The following GPHN variants were observed in gnomAD, a reference collection of about 807,000 sequenced individuals.
The protein encoded by GPHN is gephyrin.
In GPHN, 17 loss-of-function variants were observed where a neutral mutation model predicts 95.5. The ratio of observed to expected loss-of-function variants is 0.18; its 90% CI spans 0.12 to 0.27. The LOEUF (loss-of-function observed/expected upper bound fraction) is 0.27, where lower values mean the gene tolerates loss of function less well. GPHN is among the 10% of genes least tolerant of loss of function. The pLI, the probability that GPHN is intolerant of heterozygous loss-of-function variation, is 1.00. For synonymous variants in GPHN, 320 were observed against 322.5 expected (o/e 0.99, Z 0.08); for missense variants, 660 against 978.1 (o/e 0.67, Z 4.34).
chr14:67,481,631 C>T, the GPHN span, among the ~76,000 whole-genome samples: 2 of 152,184 alleles, frequency 1.3e-5, no homozygotes, highest in African/African-American at 4.8e-5. Flanking sequence ...TTTCAGAACC[C>T]CACTCTCCAA....
chr14:67,577,362 T>A, the GPHN span: 1 of 1,591,646 alleles, frequency 6.3e-7, no homozygotes. Flanking sequence ...TACGCCTCCC[T>A]CACCACCCTG....
At chr14:66,521,035 A>T (rs1252084042) in intron 1 of GPHN, among the ~76,000 whole-genome samples, 2 of 151,956 alleles carry the variant, frequency 1.3e-5, no homozygotes, top group East Asian at 1.9e-4. Context: ...ACATGATCTC[A>T]TTTTTTTTAT....
intron 2 of GPHN, among the ~76,000 whole-genome samples, chr14:66,731,502 G>T (rs567618356): frequency 4.6e-5 from 7 of 152,352 alleles, no homozygotes; most frequent in African/African-American, 1.4e-4. Flanking sequence ...TTAGCAAAGA[G>T]ACTAGTGGCA....
At chr14:67,607,906 G>A in the GPHN span, among the ~76,000 whole-genome samples, 3 of 152,110 alleles carry the variant, frequency 2.0e-5, no homozygotes, top group South Asian at 2.1e-4. Flanking sequence ...TTGTATTTGT[G>A]GATTCTGCAT....
intron 4 of GPHN, chr14:66,842,692 C>G: frequency 6.5e-7 from 1 of 1,534,788 alleles, no homozygotes; most frequent in Non-Finnish European, 8.7e-7. Flanking sequence ...TCCCAACATT[C>G]CCATTTTGTG....
At chr14:66,582,906 G>A (rs887048843) in intron 1 of GPHN, among the ~76,000 whole-genome samples, 3 of 152,120 alleles carry the variant, frequency 2.0e-5, no homozygotes, top group Non-Finnish European at 4.4e-5. Context: ...ACCCAGTAAC[G>A]GGATGGCTGG....
the GPHN span, chr14:67,656,319 C>G: frequency 8.7e-7 from 1 of 1,147,228 alleles, no homozygotes; most frequent in Non-Finnish European, 1.2e-6. Flanking sequence ...TCCCTGAATA[C>G]AGAACTGCTG....
chr14:66,791,646 T>C (rs1416838692), intron 3 of GPHN, among the ~76,000 whole-genome samples: 1 of 152,216 alleles, frequency 6.6e-6, no homozygotes, highest in Non-Finnish European at 1.5e-5. Flanking sequence ...TCTTTTAGCA[T>C]GCTAATGCAT....
the GPHN span, among the ~76,000 whole-genome samples, chr14:67,439,545 CTTTCTTTCTTTCTTTCTTTCTTTCTT>C: frequency 7.3e-3 from 1,013 of 137,994 alleles, 13 homozygotes; most frequent in African/African-American, 0.028. Context: ...TTCTTTCTTT[CTTTCTTTCTTTCTTTCTTTCTTTCTT>C]TCTTTCTTTC....
the GPHN span, among the ~76,000 whole-genome samples, chr14:67,423,081 C>T: frequency 6.6e-6 from 1 of 151,998 alleles, no homozygotes; most frequent in Non-Finnish European, 1.5e-5. Flanking sequence ...GATCTGCCTG[C>T]CTCAGCCTCC....
Position 66,842,546 on chromosome 14 carries a change from T to G in GPHN, c.294+17980T>G, listed in dbSNP as rs1362092418. 6.3e-6 allele frequency: 4 copies of G among 636,200 alleles called. No individual in the cohort carries two copies. The Admixed American group carries it at 1.2e-4, about 19-fold the overall frequency. 39.4% of individuals were successfully genotyped at this position (636,200 alleles called of 1,614,324 possible). A position where few individuals can be genotyped will look rare whatever the true frequency, so the allele number is the denominator to read the frequency against. ...CTTTTCCCATAACTCAGAAATGGTTTCATTCTGAGGAAGGGAGAAGGTTCA... is the reference window on the plus strand; with the variant it reads ...CTTTTCCCATAACTCAGAAATGGTTGCATTCTGAGGAAGGGAGAAGGTTCA... On this transcript the variant is annotated intron_variant, in intron 4 of 22. Coordinates refer to ENST00000478722, the MANE Select transcript of GPHN (RefSeq NM_020806.5).
At chr14:67,678,725 C>G in the GPHN span, among the ~76,000 whole-genome samples, 1 of 152,092 alleles carries the variant, frequency 6.6e-6, no homozygotes, top group Non-Finnish European at 1.5e-5. Context: ...GCCTGACACC[C>G]ATGTATATCC....
intron 1 of GPHN, among the ~76,000 whole-genome samples, chr14:66,666,035 G>A (rs964126108): frequency 1.3e-5 from 2 of 151,344 alleles, no homozygotes; most frequent in African/African-American, 4.9e-5. Context: ...CTCACTCATA[G>A]GTGGGAATTG....
At chr14:67,527,528 A>G in the GPHN span, among the ~76,000 whole-genome samples, 9,550 of 152,296 alleles carry the variant, frequency 0.063, 372 homozygotes, top group Middle Eastern at 0.12. Context: ...TTCGATTTTT[A>G]ATTAGGAGAT....
intron 4 of GPHN, among the ~76,000 whole-genome samples, chr14:66,835,498 G>A (rs958665488): frequency 1.3e-5 from 2 of 151,584 alleles, no homozygotes; most frequent in Non-Finnish European, 2.9e-5. Context: ...CATACTGAAT[G>A]GGCAAAAACT....
chr14:67,431,410 A>AAAAC, the GPHN span, among the ~76,000 whole-genome samples: 1 of 109,306 alleles, frequency 9.1e-6, no homozygotes. Flanking sequence ...AAAAAAAAAA[A>AAAAC]AAAAAAAAAA....
the GPHN span, chr14:67,684,966 T>C: frequency 2.0e-6 from 3 of 1,495,276 alleles, 1 homozygote; most frequent in South Asian, 3.9e-5. Flanking sequence ...ACCCAAATTA[T>C]CTCCTTTGAG....
chr14:67,508,760 A>AAAAAAAAAAAAAAAAAAAAAAAAAAAAC, the GPHN span, among the ~76,000 whole-genome samples: 1 of 149,548 alleles, frequency 6.7e-6, no homozygotes, highest in Non-Finnish European at 1.5e-5. Flanking sequence ...TCTCAAAAAA[A>AAAAAAAAAAAAAAAAAAAAAAAAAAAAC]AAAAAAAAAA....
chr14:67,228,118 C>T, the GPHN span, among the ~76,000 whole-genome samples: 29 of 148,098 alleles, frequency 2.0e-4, 1 homozygote, highest in South Asian at 1.1e-3. Context: ...TGCAGTGAGC[C>T]GAGATTGTGC....
Sources: allele counts gnomAD v4.1 joint callset (sites outside exome capture counted in the v4.1 genomes callset), GRCh38; gene constraint gnomAD v4.1.1; transcripts MANE v1.5; gene names NCBI Gene and HGNC (gene_info 2026-07-23, HGNC 2026-07-21).